Variants in SLC36A4 observed in about 807,000 individuals in gnomAD.
SLC36A4 encodes the protein neutral amino acid uniporter 4.
In SLC36A4, 49 loss-of-function variants were observed where a neutral mutation model predicts 50.5. The ratio of observed to expected loss-of-function variants is 0.97; its 90% CI spans 0.77 to 1.23. The LOEUF (loss-of-function observed/expected upper bound fraction) is 1.23, where lower values mean the gene tolerates loss of function less well. SLC36A4 is among the 50% of genes most tolerant of loss of function. The pLI is 0.00. For synonymous variants in SLC36A4, 207 were observed against 206.5 expected (o/e 1.00, Z -0.02); for missense variants, 611 against 608.4 (o/e 1.00, Z -0.05).
chr11:93,183,942 C>T (rs10765592), intron 3 of SLC36A4, among the ~76,000 whole-genome samples: 36,171 of 152,020 alleles, frequency 0.24, 5,238 homozygotes, highest in East Asian at 0.32. Flanking sequence ...TCGTGATCTG[C>T]CCACCTCGGC....
chr11:93,197,788 G>C lies in SLC36A4; in HGVS notation c.45C>G (p.Arg15=). 1 of 1,585,910 alleles carries C rather than the reference G, an allele frequency of 6.3e-7. No individual in the cohort carries two copies. Among genetic ancestry groups the C allele is most frequent in the Non-Finnish European group, 8.5e-7 (1 of 1,173,374 alleles). ...ATPAAAGAAR[R]EELDMDVMRP... The stretch of plus-strand genomic sequence containing the variant: ...ACGCACAACACCGACCTAGCTCCTC[G>C]CGCCTCGCCGCCCCGGCAGCCGCCG... Residue 15 remains arginine (R), a synonymous_variant, in exon 1 of 11, where the codon CGC becomes CGG. Transcript: ENST00000326402.
Position 93,144,725 on chromosome 11 carries a change from G to A in SLC36A4, c.*3812C>T, listed in dbSNP as rs1859815476. On this transcript the variant is annotated 3_prime_UTR_variant, in exon 11 of 11. Coordinates refer to ENST00000326402, the MANE Select transcript of SLC36A4 (RefSeq NM_152313.4). ...TGGCATAAACAAGACTAACCATAAT[G>A]CTGCCAAAGTATTAACTATTACAGC... 6.6e-6 allele frequency: 1 copy of A among 151,980 alleles called. No homozygotes were observed. Among genetic ancestry groups the A allele is most frequent in the Non-Finnish European group, 1.5e-5 (1 of 67,968 alleles). 9.4% of individuals were successfully genotyped at this position (151,980 alleles called of 1,614,324 possible).
At chr11:93,182,965 A>G (rs1861802117) in intron 3 of SLC36A4, 71 bp from the exon 4 acceptor site, 1 of 1,085,214 alleles carries the variant, frequency 9.2e-7, no homozygotes, top group African/African-American at 1.6e-5. Flanking sequence ...GCAATGAATC[A>G]ATGGATTATT....
At chr11:93,184,312 C>T (rs1213071678) in intron 3 of SLC36A4, 118 bp downstream of exon 3, 1 of 704,326 alleles carries the variant, frequency 1.4e-6, no homozygotes, top group Admixed American at 2.6e-5. Context: ...AAGACAACAT[C>T]TAAATGATCA....
chr11:93,197,231 C>T (rs1862466660), intron 1 of SLC36A4: 1 of 153,878 alleles, frequency 6.5e-6, no homozygotes, highest in Non-Finnish European at 1.5e-5. Flanking sequence ...AACAAACACG[C>T]CCTGTCGCCA....
At chr11:93,172,314 C>G (rs1861187492) in intron 6 of SLC36A4, among the ~76,000 whole-genome samples, 1 of 151,862 alleles carries the variant, frequency 6.6e-6, no homozygotes, top group South Asian at 2.1e-4. Context: ...TGAGTAAGTT[C>G]TTTAGTGGTG....
At chr11:93,177,200 A>T (rs1861518486) in intron 6 of SLC36A4, among the ~76,000 whole-genome samples, 1 of 152,030 alleles carries the variant, frequency 6.6e-6, no homozygotes, top group South Asian at 2.1e-4. Flanking sequence ...CATTCATTTG[A>T]TCTTCAATCA....
chr11:93,162,907 G>T (rs1308207481), intron 8 of SLC36A4, 32 bp from the exon 9 acceptor site: 3 of 1,582,086 alleles, frequency 1.9e-6, no homozygotes, highest in South Asian at 1.1e-5. Flanking sequence ...TTTTTTTAAG[G>T]GAATACAAGT....
chr11:93,163,115 C>T (rs1565221491), intron 8 of SLC36A4, among the ~76,000 whole-genome samples: 1 of 151,650 alleles, frequency 6.6e-6, no homozygotes, highest in Non-Finnish European at 1.5e-5. Context: ...TTTTAAATAA[C>T]CTTTTTATTT....
intron 1 of SLC36A4, among the ~76,000 whole-genome samples, chr11:93,186,772 C>T (rs1426231761): frequency 6.6e-6 from 1 of 152,072 alleles, no homozygotes; most frequent in Non-Finnish European, 1.5e-5. Flanking sequence ...AGTTCTCTGC[C>T]AAAGTTTCCT....
chr11:93,197,681 G>A, intron 1 of SLC36A4, 97 bp downstream of exon 1: 7 of 1,353,186 alleles, frequency 5.2e-6, no homozygotes, highest in Non-Finnish European at 7.1e-6. Context: ...CTCAACTCAG[G>A]CCAAGCGCGG....
chr11:93,180,130 T>A, intron 6 of SLC36A4: 2 of 957,892 alleles, frequency 2.1e-6, no homozygotes, highest in Non-Finnish European at 2.5e-6. Context: ...TATTATTGAT[T>A]AAAATAATGA....
chr11:93,189,630 T>C (rs775263942), intron 1 of SLC36A4, among the ~76,000 whole-genome samples: 7 of 152,214 alleles, frequency 4.6e-5, no homozygotes, highest in Non-Finnish European at 1.0e-4. Context: ...ACCTTTCTGA[T>C]TTCTTTCTGT....
At chr11:93,183,988 G>A (rs1303269026) in intron 3 of SLC36A4, among the ~76,000 whole-genome samples, 5 of 152,068 alleles carry the variant, frequency 3.3e-5, no homozygotes, top group Non-Finnish European at 7.4e-5. Flanking sequence ...ATGGGCTACC[G>A]CACCCGGCCA....
chr11:93,146,302 C>A lies in SLC36A4; in HGVS notation c.*2235G>T, dbSNP rs1859842748. The stretch of plus-strand genomic sequence containing the variant: ...TTATCTGAAAACAGGTGACAAAAAT[C>A]TAATGCTGCTTCCTATTAAATAATA... On this transcript the variant is annotated 3_prime_UTR_variant, in exon 11 of 11. Coordinates refer to ENST00000326402, the MANE Select transcript of SLC36A4 (RefSeq NM_152313.4). 6.6e-6 allele frequency: 1 copy of A among 151,918 alleles called. No individual in the cohort carries two copies. The highest frequency in any genetic ancestry group is 1.5e-5 in the Non-Finnish European group (1 of 67,938). 9.4% of individuals were successfully genotyped at this position (151,918 alleles called of 1,614,324 possible).
At chr11:93,171,244 A>C (rs1222697474) in intron 6 of SLC36A4, 1 of 152,108 alleles carries the variant, frequency 6.6e-6, no homozygotes, top group African/African-American at 2.4e-5. Flanking sequence ...GGACATGTGC[A>C]AAGTTAAACT....
rs977693276 is a variant in SLC36A4, at chr11:93,148,145, T to G, written c.*392A>C. 6.2e-6 allele frequency: 1 copy of G among 161,642 alleles called. No individual in the cohort carries two copies. Among genetic ancestry groups the G allele is most frequent in the Non-Finnish European group, 1.3e-5 (1 of 75,348 alleles). The allele number at this position is 161,642 out of a possible 1,614,324, so 10.0% of individuals were successfully genotyped here. On this transcript the variant is annotated 3_prime_UTR_variant, in exon 11 of 11. Transcript: ENST00000326402. Reference sequence around the variant, plus strand: ...TCTGGAGAGAGCTTTTTGTTATACATGTTCTTATTTTATTCTCTTATTGTT... The same window carrying G: ...TCTGGAGAGAGCTTTTTGTTATACAGGTTCTTATTTTATTCTCTTATTGTT...
chr11:93,165,937 G>A lies in SLC36A4; in HGVS notation c.848C>T (p.Ala283Val). 1 of 1,606,892 alleles carries A rather than the reference G, an allele frequency of 6.2e-7. No individual in the cohort carries two copies. ...TCTTACCACTCCTATGCCTTCAAAA[G>A]CAAATACAGCAGTACCAAAAAAGAG... ...YPLFFGTAVF[A>V]FEGIGVVLPL... The change falls in exon 8 of 11, where the codon GCT becomes GTT. Residue 283 changes from alanine (A) to valine (V), a missense_variant. Coordinates refer to ENST00000326402, the MANE Select transcript of SLC36A4 (RefSeq NM_152313.4).
At chr11:93,185,547 A>C in intron 2 of SLC36A4, 144 bp downstream of exon 2, 1 of 700,926 alleles carries the variant, frequency 1.4e-6, no homozygotes, top group South Asian at 3.1e-5. Flanking sequence ...TTTCTTTCCC[A>C]AATAGACTAT....
Sources: gnomAD v4.1 joint callset for allele counts (sites outside exome capture counted in the v4.1 genomes callset) on GRCh38, gnomAD v4.1.1 for gene constraint, MANE v1.5 for transcripts, NCBI Gene and HGNC (gene_info 2026-07-23, HGNC 2026-07-21) for gene names.